ITPRID1: variants seen among roughly 807,000 people sequenced by gnomAD.
ITPRID1 encodes the protein protein ITPRID1.
A neutral mutation model predicts 95.4 loss-of-function variants in ITPRID1; 96 were observed. That is an observed-to-expected ratio of 1.01 (90% confidence interval 0.85 to 1.19). The LOEUF (loss-of-function observed/expected upper bound fraction) is 1.19, where lower values mean the gene tolerates loss of function less well. ITPRID1 is among the 50% of genes most tolerant of loss of function. ITPRID1 has a pLI of 0.00. For synonymous variants in ITPRID1, 510 were observed against 453.6 expected (o/e 1.12, Z -1.58); for missense variants, 1,339 against 1,252.9 (o/e 1.07, Z -1.04).
rs745451810 is a variant in ITPRID1 at position 31,642,765 on chromosome 7, C to T, written c.1395C>T (p.Ser465=). 1.9e-6 allele frequency: 3 copies of T among 1,613,852 alleles called. No homozygotes were observed. Among genetic ancestry groups the T allele is most frequent in the Admixed American group, 1.7e-5 (1 of 60,002 alleles). Residue 465 remains serine (S), a synonymous_variant, in exon 12 of 15, where the codon TCC becomes TCT. Coordinates refer to ENST00000615280, the MANE Select transcript of ITPRID1 (RefSeq NM_001257967.3). ...PRDQSHSLVS[S]QDCQLESDGP... The stretch of plus-strand genomic sequence containing the variant: ...ATCAGAGCCACAGCTTAGTATCATC[C>T]CAGGACTGTCAGCTAGAGTCGGATG...
At chr7:31,546,681 G>A (rs1016156880) in intron 1 of ITPRID1, among the ~76,000 whole-genome samples, 2 of 152,076 alleles carry the variant, frequency 1.3e-5, no homozygotes, top group African/African-American at 4.8e-5. Flanking sequence ...AATACACATT[G>A]AGTACATTTT....
downstream of ITPRID1, among the ~76,000 whole-genome samples, chr7:31,656,744 T>C (rs898111188): frequency 6.6e-6 from 1 of 152,146 alleles, no homozygotes; most frequent in Non-Finnish European, 1.5e-5. Context: ...ACTTCATGTG[T>C]GATGGAGGAG....
chr7:31,620,950 T>G (rs868413984), intron 10 of ITPRID1, among the ~76,000 whole-genome samples: 1 of 151,654 alleles, frequency 6.6e-6, no homozygotes, highest in Non-Finnish European at 1.5e-5. Context: ...TCAAGAACTA[T>G]GTGAAGAATG....
In ITPRID1 at chr7:31,655,910, A is replaced by G; in HGVS notation, c.*3081A>G. 1.0e-6 allele frequency: 1 copy of G among 985,480 alleles called. No homozygotes were observed. Among genetic ancestry groups the G allele is most frequent in the Non-Finnish European group, 1.2e-6 (1 of 829,980 alleles). The allele number at this position is 985,480 out of a possible 1,614,324, so 61.0% of individuals were successfully genotyped here. A position where few individuals can be genotyped will look rare whatever the true frequency, so the allele number is the denominator to read the frequency against. On this transcript the variant is annotated 3_prime_UTR_variant, in exon 15 of 15. Coordinates refer to ENST00000615280, the MANE Select transcript of ITPRID1 (RefSeq NM_001257967.3). ...GGCTCTAGGATGTCCCTCACCTGGCAGCCATCTGCTTTACCAGTCTCATTT... is the reference window on the plus strand; with the variant it reads ...GGCTCTAGGATGTCCCTCACCTGGCGGCCATCTGCTTTACCAGTCTCATTT...
chr7:31,655,688 C>G lies in ITPRID1; in HGVS notation c.*2859C>G. The G allele has an allele frequency of 1.0e-6, 1 of 978,408 alleles. No individual in the cohort carries two copies. Among genetic ancestry groups the G allele is most frequent in the Non-Finnish European group, 1.2e-6 (1 of 823,124 alleles). The allele number at this position is 978,408 out of a possible 1,614,324, so 60.6% of individuals were successfully genotyped here. On this transcript the variant is annotated 3_prime_UTR_variant, in exon 15 of 15. Coordinates refer to ENST00000615280, the MANE Select transcript of ITPRID1 (RefSeq NM_001257967.3). ...CCCCATCTTGGCTCCTATATCATGG[C>G]TCAGCTCCCAGCCAAATTGACTCCT...
intron 1 of ITPRID1, among the ~76,000 whole-genome samples, chr7:31,539,555 G>C (rs1389824362): frequency 1.3e-5 from 2 of 152,198 alleles, no homozygotes; most frequent in Non-Finnish European, 2.9e-5. Flanking sequence ...GGTGTGCTTA[G>C]TTTCATAAGA....
intron 10 of ITPRID1, among the ~76,000 whole-genome samples, chr7:31,622,900 A>G (rs1012372380): frequency 8.6e-5 from 13 of 152,030 alleles, no homozygotes; most frequent in South Asian, 4.1e-4. Context: ...TCAAATAGAC[A>G]CAATAAAAAA....
At chr7:31,626,637 G>A (rs190657857) in intron 10 of ITPRID1, among the ~76,000 whole-genome samples, 25 of 152,104 alleles carry the variant, frequency 1.6e-4, no homozygotes, top group Admixed American at 9.2e-4. Flanking sequence ...TTGACATGTC[G>A]GTGACACCAT....
At chr7:31,635,321 A>G (rs78640150) in intron 10 of ITPRID1, among the ~76,000 whole-genome samples, 485 of 152,324 alleles carry the variant, frequency 3.2e-3, no homozygotes, top group African/African-American at 0.011. Flanking sequence ...AAACTAAACC[A>G]TCAGTAACCT....
chr7:31,541,027 A>G (rs1214644250), intron 1 of ITPRID1, among the ~76,000 whole-genome samples: 1 of 152,234 alleles, frequency 6.6e-6, no homozygotes, highest in Non-Finnish European at 1.5e-5. Context: ...TGCATTATGC[A>G]AATAACTATT....
intron 1 of ITPRID1, among the ~76,000 whole-genome samples, chr7:31,542,783 G>C (rs1783974097): frequency 6.6e-6 from 1 of 152,042 alleles, no homozygotes; most frequent in Non-Finnish European, 1.5e-5. Flanking sequence ...AGATAAGTAT[G>C]GAATTGCTTG....
intron 1 of ITPRID1, among the ~76,000 whole-genome samples, chr7:31,548,018 G>A (rs1784156900): frequency 6.6e-6 from 1 of 151,992 alleles, no homozygotes; most frequent in African/African-American, 2.4e-5. Context: ...TTTAAGATGG[G>A]TCACATTAGA....
chr7:31,638,443 T>C (rs1278872529), intron 10 of ITPRID1, among the ~76,000 whole-genome samples: 1 of 152,252 alleles, frequency 6.6e-6, no homozygotes, highest in East Asian at 1.9e-4. Context: ...CTATCCGGTT[T>C]TATAATAACA....
chr7:31,642,568 T>C (rs1246999613), intron 11 of ITPRID1, 114 bp from the exon 12 acceptor site: 4 of 937,588 alleles, frequency 4.3e-6, no homozygotes, highest in Non-Finnish European at 6.3e-6. Context: ...AAACCTGATG[T>C]TGCAACCCTT....
At chr7:31,522,078 GTCT>G (rs1783282168) in intron 1 of ITPRID1, among the ~76,000 whole-genome samples, 1 of 152,020 alleles carries the variant, frequency 6.6e-6, no homozygotes, top group Admixed American at 6.6e-5. Context: ...TAGTGAGCAA[GTCT>G]TTTTCTAACT....
chr7:31,658,331 C>T (rs1018067675), downstream of ITPRID1: 5 of 1,519,972 alleles, frequency 3.3e-6, no homozygotes, highest in East Asian at 7.4e-5. Flanking sequence ...AATAACTCTG[C>T]TAAAGATGAA....
At chr7:31,609,474 A>G (rs991983901) in intron 10 of ITPRID1, among the ~76,000 whole-genome samples, 3 of 151,652 alleles carry the variant, frequency 2.0e-5, no homozygotes, top group Admixed American at 1.3e-4. Context: ...CTAATTAAAT[A>G]ACTTTACTTG....
chr7:31,611,292 CATTATG>C (rs1246647224), intron 10 of ITPRID1, among the ~76,000 whole-genome samples: 10 of 151,668 alleles, frequency 6.6e-5, no homozygotes, highest in South Asian at 4.2e-4. Flanking sequence ...CATTTTTATA[CATTATG>C]ATTATATCAA....
chr7:31,629,652 T>C (rs544520843), intron 10 of ITPRID1, among the ~76,000 whole-genome samples: 1 of 152,318 alleles, frequency 6.6e-6, no homozygotes, highest in South Asian at 2.1e-4. Context: ...CCATAGAGAA[T>C]GTTTTCCTTG....
Sources: allele counts gnomAD v4.1 joint callset (sites outside exome capture counted in the v4.1 genomes callset), GRCh38; gene constraint gnomAD v4.1.1; transcripts MANE v1.5; gene names NCBI Gene and HGNC (gene_info 2026-07-23, HGNC 2026-07-21).